The following CRB1 variants were observed in gnomAD, a reference collection of about 807,000 sequenced individuals.
The protein encoded by CRB1 is crumbs cell polarity complex component 1.
A neutral mutation model predicts 120.0 loss-of-function variants in CRB1; 83 were observed. The ratio of observed to expected loss-of-function variants is 0.69; its 90% CI spans 0.58 to 0.83. The LOEUF (loss-of-function observed/expected upper bound fraction) is 0.83. Ranked by LOEUF, CRB1 falls within the 40% of genes least tolerant of loss-of-function variation. The probability of loss-of-function intolerance (pLI) is 0.00; values close to 1 mark genes in which losing one functional copy is unlikely to be tolerated. For synonymous variants in CRB1, 625 were observed against 612.5 expected (o/e 1.02, Z -0.30); for missense variants, 1,699 against 1,687.6 (o/e 1.01, Z -0.12).
At chr1:197,262,114 T>A in the CRB1 span, among the ~76,000 whole-genome samples, 1 of 152,218 alleles carries the variant, frequency 6.6e-6, no homozygotes, top group Non-Finnish European at 1.5e-5. Flanking sequence ...TTACTGATGA[T>A]GACTCTAGTA....
the CRB1 span, chr1:197,222,524 T>C: frequency 1.3e-6 from 1 of 768,524 alleles, no homozygotes; most frequent in Non-Finnish European, 2.4e-6. Context: ...TTCCGTTTGG[T>C]CTTGGCAGTG....
At chr1:197,346,739 A>C (rs1659798996) in intron 3 of CRB1, among the ~76,000 whole-genome samples, 1 of 152,224 alleles carries the variant, frequency 6.6e-6, no homozygotes, top group Non-Finnish European at 1.5e-5. Flanking sequence ...GCTATTTGAT[A>C]ATTCCAGTCA....
intron 5 of CRB1, among the ~76,000 whole-genome samples, chr1:197,395,270 T>G (rs1239736604): frequency 1.3e-5 from 2 of 152,182 alleles, no homozygotes; most frequent in East Asian, 3.8e-4. Flanking sequence ...GAGAGTTGAA[T>G]GAAATAACTT....
the CRB1 span, among the ~76,000 whole-genome samples, chr1:197,255,001 G>T: frequency 6.6e-6 from 1 of 151,994 alleles, no homozygotes; most frequent in South Asian, 2.1e-4. Context: ...AAATTTAAAA[G>T]CATGGTAAGG....
At chr1:197,202,292 A>G in the CRB1 span, among the ~76,000 whole-genome samples, 1 of 152,170 alleles carries the variant, frequency 6.6e-6, no homozygotes, top group Non-Finnish European at 1.5e-5. Flanking sequence ...TGGGAATTGA[A>G]AAAATAAAAT....
At chr1:197,456,468 G>T (rs1464918047) in intron 11 of CRB1, among the ~76,000 whole-genome samples, 1 of 152,078 alleles carries the variant, frequency 6.6e-6, no homozygotes, top group Non-Finnish European at 1.5e-5. Context: ...ATAGTATATA[G>T]TAAGTACAAA....
At chr1:197,232,151 GAAAATGCAAGTAAATGGATTATTCTCT>G in the CRB1 span, among the ~76,000 whole-genome samples, 1 of 152,168 alleles carries the variant, frequency 6.6e-6, no homozygotes, top group South Asian at 2.1e-4. Flanking sequence ...GCAGAAGCCA[GAAAATGCAAGTAAATGGATTATTCTCT>G]AGAGGATCCA....
In CRB1 at chr1:197,268,489, C is replaced by T. The variant is rs1358042113; in HGVS notation, c.70+7C>T. The stretch of plus-strand genomic sequence containing the variant: ...CTGCTTATCTACATAAAAAGTAAGC[C>T]TTTCCCACTTTGGGCATTTTTCCTG... On this transcript the variant is annotated splice_region_variant and intron_variant, in intron 1 of 11. Transcript: ENST00000367400. 4 of 1,600,482 alleles carry T rather than the reference C, an allele frequency of 2.5e-6. No individual in the cohort carries two copies. The Admixed American group carries it at 6.7e-5, about 27-fold the overall frequency.
intron 11 of CRB1, among the ~76,000 whole-genome samples, chr1:197,446,175 G>T (rs1020374030): frequency 7.4e-6 from 1 of 135,060 alleles, no homozygotes; most frequent in Non-Finnish European, 1.6e-5. Context: ...GGGTGACAGA[G>T]TGAGACTTTG....
intron 1 of CRB1, among the ~76,000 whole-genome samples, chr1:197,282,569 T>C (rs928609430): frequency 1.3e-5 from 2 of 151,912 alleles, no homozygotes; most frequent in Non-Finnish European, 2.9e-5. Flanking sequence ...ACATAAATTG[T>C]GTTGCTTTGG....
the CRB1 span, among the ~76,000 whole-genome samples, chr1:197,214,045 C>T: frequency 1.3e-5 from 2 of 150,558 alleles, no homozygotes; most frequent in Admixed American, 1.3e-4. Context: ...AGATAAGAGC[C>T]AAAATAAATG....
intron 4 of CRB1, among the ~76,000 whole-genome samples, chr1:197,353,366 G>C (rs888653442): frequency 6.6e-6 from 1 of 152,174 alleles, no homozygotes; most frequent in African/African-American, 2.4e-5. Flanking sequence ...GAAAGGGGAA[G>C]TTGTTGAATG....
At chr1:197,368,597 T>C (rs1255829300) in intron 5 of CRB1, among the ~76,000 whole-genome samples, 1 of 152,206 alleles carries the variant, frequency 6.6e-6, no homozygotes, top group Non-Finnish European at 1.5e-5. Flanking sequence ...GGCTAATATT[T>C]GGAAGACCAC....
the CRB1 span, among the ~76,000 whole-genome samples, chr1:197,241,960 A>G: frequency 6.6e-6 from 1 of 152,144 alleles, no homozygotes; most frequent in African/African-American, 2.4e-5. Context: ...GCAATTGTGA[A>G]TGGGAATTCA....
At chr1:197,258,915 G>T in the CRB1 span, among the ~76,000 whole-genome samples, 1 of 152,120 alleles carries the variant, frequency 6.6e-6, no homozygotes, top group Admixed American at 6.6e-5. Flanking sequence ...ATATTGTAAG[G>T]TTATTCAGAT....
the CRB1 span, among the ~76,000 whole-genome samples, chr1:197,259,622 C>T: frequency 1.7e-3 from 257 of 152,206 alleles, no homozygotes; most frequent in Admixed American, 5.8e-3. Context: ...TGCAGCAAAC[C>T]ACCATGACAT....
At chr1:197,275,650 G>T (rs917935734) in intron 1 of CRB1, among the ~76,000 whole-genome samples, 2 of 151,934 alleles carry the variant, frequency 1.3e-5, no homozygotes, top group Non-Finnish European at 2.9e-5. Flanking sequence ...CTTAGAGTCT[G>T]ATCAATATGT....
At chr1:197,468,386 T>C (rs1666839242) in intron 11 of CRB1, among the ~76,000 whole-genome samples, 1 of 151,594 alleles carries the variant, frequency 6.6e-6, no homozygotes, top group Admixed American at 6.6e-5. Flanking sequence ...GGATCTAATA[T>C]GCTGTCTGAA....
chr1:197,250,230 T>C, the CRB1 span, among the ~76,000 whole-genome samples: 1 of 151,976 alleles, frequency 6.6e-6, no homozygotes, highest in Non-Finnish European at 1.5e-5. Context: ...TGATGTGTAG[T>C]GTGAGGCAGG....
Sources: allele counts gnomAD v4.1 joint callset (sites outside exome capture counted in the v4.1 genomes callset), GRCh38; gene constraint gnomAD v4.1.1; transcripts MANE v1.5; gene names NCBI Gene and HGNC (gene_info 2026-07-23, HGNC 2026-07-21).